Variants in KIAA0586 observed in about 807,000 individuals in gnomAD.
The protein encoded by KIAA0586 is protein TALPID3.
Under a neutral mutation model 169.8 loss-of-function variants are expected in KIAA0586, and 144 were observed. That is an observed-to-expected ratio of 0.85 (90% CI 0.74 to 0.97). The LOEUF is 0.97. KIAA0586 is among the 50% of genes least tolerant of loss of function. The pLI is 0.00. For missense variants in KIAA0586, 1,854 were observed against 1,823.0 expected (o/e 1.02, Z -0.31); for synonymous variants, 625 against 612.4 (o/e 1.02, Z -0.30).
At chr14:58,557,847 G>A in the KIAA0586 span, among the ~76,000 whole-genome samples, 2 of 148,898 alleles carry the variant, frequency 1.3e-5, no homozygotes, top group East Asian at 3.9e-4. Flanking sequence ...CATCCCATGT[G>A]AGGGGTCTGT....
chr14:58,508,588 G>A lies in KIAA0586; in HGVS notation c.4202G>A (p.Gly1401Asp). The A allele has an allele frequency of 6.3e-7, 1 of 1,597,246 alleles. No individual in the cohort carries two copies. ...SIYEDSCASH[G>D]PMSLGELELE... ...TATGAAGATTCATGTGCTAGTCATG[G>A]TCCAATGAGTTTGGGAGAATTGGAG... Residue 1401 changes from glycine to aspartate, a missense_variant, in exon 28 of 31, where the codon GGT becomes GAT. Transcript: ENST00000652326.
intron 9 of KIAA0586, among the ~76,000 whole-genome samples, chr14:58,454,068 A>G (rs1351563421): frequency 6.6e-6 from 1 of 152,132 alleles, no homozygotes; most frequent in East Asian, 1.9e-4. Flanking sequence ...TGTGTCTACC[A>G]TGTTGCTTTC....
chr14:58,448,648 GT>G (rs1430060860), intron 7 of KIAA0586, among the ~76,000 whole-genome samples, 155 bp downstream of exon 7: 2 of 151,360 alleles, frequency 1.3e-5, no homozygotes, highest in African/African-American at 4.9e-5. Context: ...TTTTTTAAAT[GT>G]TCTTTTTTTA....
Position 58,505,691 on chromosome 14 carries a change from A to T in KIAA0586, c.4169-2864A>T, listed in dbSNP as rs1209163984. ...TATGTTTCTGACTCCTGGTGAGTTTATATGTCTTTTCATTCATATGTTTGT... is the reference window on the plus strand; with the variant it reads ...TATGTTTCTGACTCCTGGTGAGTTTTTATGTCTTTTCATTCATATGTTTGT... On this transcript the variant is annotated intron_variant, in intron 27 of 30. Transcript: ENST00000652326. 3.3e-5 allele frequency among the ~76,000 whole-genome samples: 5 copies of T among 152,094 alleles called. No homozygotes were observed. In the East Asian group the frequency reaches 9.6e-4, roughly 29 times the overall value.
chr14:58,430,217 A>G (rs2140399833), intron 2 of KIAA0586, among the ~76,000 whole-genome samples: 1 of 151,966 alleles, frequency 6.6e-6, no homozygotes, highest in Non-Finnish European at 1.5e-5. Context: ...AAACTTCTCA[A>G]ATGTATGGAT....
Position 58,457,743 on chromosome 14 carries a change from C to CTT in KIAA0586, c.1363-10_1363-9dup, listed in dbSNP as rs777872553. On this transcript the variant is annotated splice_polypyrimidine_tract_variant and intron_variant, in intron 10 of 30. Coordinates refer to ENST00000652326, the MANE Select transcript of KIAA0586 (RefSeq NM_001329943.3). ...GTTGTGAGTTTAGTAACTTTCTGGT[C>CTT]TTTTTTTCTTTTAAGCCAAAAGAAT... 6.5e-7 allele frequency: 1 copy of CTT among 1,537,072 alleles called. No individual in the cohort carries two copies. The highest frequency in any genetic ancestry group is 8.8e-7 in the Non-Finnish European group (1 of 1,133,852).
intron 26 of KIAA0586, among the ~76,000 whole-genome samples, 192 bp downstream of exon 26, chr14:58,492,467 C>T (rs1027025493): frequency 2.0e-5 from 3 of 152,126 alleles, no homozygotes; most frequent in African/African-American, 4.8e-5. Flanking sequence ...CTGTTCCAAC[C>T]ACCTTGTTCT....
chr14:58,468,970 TGAG>T (rs1299092324), intron 16 of KIAA0586, among the ~76,000 whole-genome samples: 3 of 152,150 alleles, frequency 2.0e-5, no homozygotes, highest in Non-Finnish European at 2.9e-5. Flanking sequence ...TCCTGATCAC[TGAG>T]GAGAAGATAA....
chr14:58,462,668 A>G (rs1595203062), intron 14 of KIAA0586, among the ~76,000 whole-genome samples: 1 of 152,250 alleles, frequency 6.6e-6, no homozygotes, highest in East Asian at 1.9e-4. Flanking sequence ...AACGCTTTTA[A>G]TGATCAGAAG....
chr14:58,453,315 ATTTGG>A, intron 8 of KIAA0586, 30 bp from the exon 9 acceptor site: 1 of 1,104,528 alleles, frequency 9.1e-7, no homozygotes, highest in Non-Finnish European at 1.3e-6. Flanking sequence ...ATGAATTAGT[ATTTGG>A]AAAATGATAC....
intron 26 of KIAA0586, among the ~76,000 whole-genome samples, chr14:58,498,496 A>C (rs1485604296): frequency 2.0e-5 from 3 of 152,258 alleles, no homozygotes; most frequent in African/African-American, 7.2e-5. Flanking sequence ...TTTAAATTGT[A>C]ATATAATTTT....
chr14:58,509,790 A>G (rs1437113399), intron 28 of KIAA0586, among the ~76,000 whole-genome samples: 1 of 152,220 alleles, frequency 6.6e-6, no homozygotes, highest in African/African-American at 2.4e-5. Flanking sequence ...CATTTCTGGG[A>G]TATGATACCA....
chr14:58,527,107 G>A (rs1226869195), intron 29 of KIAA0586, among the ~76,000 whole-genome samples: 1 of 152,052 alleles, frequency 6.6e-6, no homozygotes, highest in Admixed American at 6.6e-5. Context: ...GGATATCAGA[G>A]ATTGAAGATC....
At chr14:58,442,307 G>A (rs571466067) in intron 4 of KIAA0586, among the ~76,000 whole-genome samples, 23 of 151,912 alleles carry the variant, frequency 1.5e-4, no homozygotes, top group Admixed American at 3.9e-4. Flanking sequence ...ACGGGGTTTC[G>A]CCACGTTAGC....
chr14:58,468,806 C>T (rs1405097655), intron 16 of KIAA0586, among the ~76,000 whole-genome samples: 4 of 152,180 alleles, frequency 2.6e-5, no homozygotes, highest in South Asian at 2.1e-4. Flanking sequence ...CTCCTGTATT[C>T]GTCTTACCAT....
intron 17 of KIAA0586, among the ~76,000 whole-genome samples, chr14:58,471,546 T>C (rs1451240156): frequency 1.3e-5 from 2 of 152,178 alleles, no homozygotes; most frequent in Non-Finnish European, 2.9e-5. Flanking sequence ...AGGGTACAGT[T>C]TTAAAAGGAG....
chr14:58,519,912 T>C lies in KIAA0586; in HGVS notation c.4429+7285T>C, dbSNP rs1344556661. Among the ~76,000 whole-genome samples the C allele has an allele frequency of 2.0e-5, 3 of 152,220 alleles. No homozygotes were observed. The South Asian group carries it at 6.2e-4, about 32-fold the overall frequency. ...TATTTCATTACAATCATTTTTCCAT[T>C]ACTGTCTCTTTTTAATGTAGACAGT... On this transcript the variant is annotated intron_variant, in intron 29 of 30. Transcript: ENST00000652326.
At chr14:58,486,420 G>A (rs1416558951) in intron 21 of KIAA0586, among the ~76,000 whole-genome samples, 1 of 152,086 alleles carries the variant, frequency 6.6e-6, no homozygotes, top group Non-Finnish European at 1.5e-5. Flanking sequence ...ACATATGAGT[G>A]CATGTGTCTT....
chr14:58,561,367 C>T, the KIAA0586 span, among the ~76,000 whole-genome samples: 1 of 152,144 alleles, frequency 6.6e-6, no homozygotes, highest in African/African-American at 2.4e-5. Flanking sequence ...TAGTGCAAGA[C>T]CATAGTCTTT....
Sources: allele counts gnomAD v4.1 joint callset (sites outside exome capture counted in the v4.1 genomes callset), GRCh38; gene constraint gnomAD v4.1.1; transcripts MANE v1.5; gene names NCBI Gene and HGNC (gene_info 2026-07-23, HGNC 2026-07-21).